The following MAPK10 variants were observed in gnomAD, a reference collection of about 807,000 sequenced individuals.
MAPK10 encodes JNK3 alpha protein kinase.
MAPK10 carries 25 observed loss-of-function variants against 59.3 expected under a neutral mutation model. The ratio of observed to expected loss-of-function variants is 0.42; its 90% confidence interval spans 0.31 to 0.59. The LOEUF (loss-of-function observed/expected upper bound fraction) is 0.59, where lower values mean the gene tolerates loss of function less well. Among genes scored for constraint, MAPK10 ranks in the 20% least tolerant of loss-of-function variants. The pLI is 0.15. For synonymous variants in MAPK10, 190 were observed against 200.5 expected (o/e 0.95, Z 0.44); for missense variants, 351 against 568.9 (o/e 0.62, Z 3.90).
chr4:86,562,728 T>C (rs1760775089), intron 1 of MAPK10, among the ~76,000 whole-genome samples: 1 of 152,040 alleles, frequency 6.6e-6, no homozygotes, highest in Non-Finnish European at 1.5e-5. Flanking sequence ...CAACTTTACC[T>C]GCTGCACTAT....
At chr4:86,408,939 C>T (rs919537900) in intron 1 of MAPK10, among the ~76,000 whole-genome samples, 3 of 152,172 alleles carry the variant, frequency 2.0e-5, no homozygotes, top group Non-Finnish European at 4.4e-5. Context: ...GCTTTTGTTT[C>T]CACTGCTTTT....
At chr4:86,280,554 A>G (rs1345118098) in intron 2 of MAPK10, among the ~76,000 whole-genome samples, 1 of 152,178 alleles carries the variant, frequency 6.6e-6, no homozygotes, top group Non-Finnish European at 1.5e-5. Context: ...AGATTTCTCA[A>G]AAAACTAAAG....
At position 86,064,259 on chromosome 4, in the gene MAPK10, T is replaced by C. The variant is rs2148986977; in HGVS notation, c.1110+7A>G. 6.2e-7 allele frequency: 1 copy of C among 1,613,960 alleles called. No homozygotes were observed. Among genetic ancestry groups the C allele is most frequent in the Non-Finnish European group, 8.5e-7 (1 of 1,179,966 alleles). ...TGGAAGCAAAGTAAAGGCAGCCTATTTCTTACCGCCTCCACTTCGGCTGGG... is the reference window on the plus strand; with the variant it reads ...TGGAAGCAAAGTAAAGGCAGCCTATCTCTTACCGCCTCCACTTCGGCTGGG... On this transcript the variant is annotated splice_region_variant and intron_variant, in intron 11 of 13. Coordinates refer to ENST00000641462, the MANE Select transcript of MAPK10 (RefSeq NM_138982.4).
At chr4:86,233,129 T>C (rs1255307947) in intron 2 of MAPK10, among the ~76,000 whole-genome samples, 3 of 152,150 alleles carry the variant, frequency 2.0e-5, no homozygotes, top group African/African-American at 7.2e-5. Context: ...GGGTCGTATG[T>C]CAGAAACAAA....
chr4:86,480,932 G>C (rs1378753663), intron 1 of MAPK10, among the ~76,000 whole-genome samples: 1 of 152,166 alleles, frequency 6.6e-6, no homozygotes, highest in African/African-American at 2.4e-5. Flanking sequence ...AGACAAAAAG[G>C]GAATGATCTA....
At chr4:86,117,317 T>C (rs2058438241) in intron 4 of MAPK10, among the ~76,000 whole-genome samples, 1 of 152,204 alleles carries the variant, frequency 6.6e-6, no homozygotes, top group South Asian at 2.1e-4. Flanking sequence ...CTTACCACTT[T>C]AATAAACTAT....
chr4:86,391,705 C>T (rs1742208226), intron 1 of MAPK10, among the ~76,000 whole-genome samples: 1 of 152,138 alleles, frequency 6.6e-6, no homozygotes, highest in Non-Finnish European at 1.5e-5. Flanking sequence ...AATTCATATG[C>T]AACAAGACAG....
intron 1 of MAPK10, among the ~76,000 whole-genome samples, chr4:86,572,822 A>G (rs1405137236): frequency 2.0e-5 from 3 of 152,196 alleles, no homozygotes; most frequent in South Asian, 4.1e-4. Flanking sequence ...GGCAGTGTCA[A>G]ACTTTTAAAA....
rs60423060 is a variant in MAPK10 at position 86,471,275 on chromosome 4, CAAAAAAA to C, written c.-262-116638_-262-116632del. ...CACAGCAAGACTCTGTGCCCCCCTG[CAAAAAAA>C]AAAAAAAAAAAAAGAATTAAACTAG... On this transcript the variant is annotated intron_variant, in intron 1 of 4. Coordinates refer to the MAPK10 transcript ENST00000502302. Among the ~76,000 whole-genome samples the C allele has an allele frequency of 2.3e-4, 22 of 96,864 alleles. No individual in the cohort carries two copies. In the South Asian group the frequency reaches 6.8e-3, roughly 30 times the overall value. 63.5% of individuals were successfully genotyped at this position (96,864 alleles called of 152,430 possible).
intron 1 of MAPK10, among the ~76,000 whole-genome samples, chr4:86,537,912 TA>T (rs1758370082): frequency 1.3e-5 from 2 of 152,204 alleles, no homozygotes; most frequent in African/African-American, 4.8e-5. Flanking sequence ...CCCTCTTTTG[TA>T]AAGATAGTGT....
upstream of MAPK10, among the ~76,000 whole-genome samples, chr4:86,363,440 G>C (rs1387126751): frequency 6.6e-6 from 1 of 152,074 alleles, no homozygotes; most frequent in African/African-American, 2.4e-5. Flanking sequence ...CCAGAAACAG[G>C]TTAATACCAA....
chr4:86,534,494 C>T (rs959464356), intron 1 of MAPK10, among the ~76,000 whole-genome samples: 4 of 151,966 alleles, frequency 2.6e-5, no homozygotes, highest in Non-Finnish European at 5.9e-5. Context: ...ACCAATGTTG[C>T]CTTTTAGTTT....
chr4:86,243,537 C>T (rs759643035), intron 2 of MAPK10, among the ~76,000 whole-genome samples: 1 of 152,180 alleles, frequency 6.6e-6, no homozygotes, highest in Non-Finnish European at 1.5e-5. Context: ...ACTCATTACA[C>T]TCTAGCCAGG....
At chr4:86,151,565 C>A (rs1384018362) in intron 4 of MAPK10, among the ~76,000 whole-genome samples, 2 of 152,002 alleles carry the variant, frequency 1.3e-5, no homozygotes, top group African/African-American at 4.8e-5. Flanking sequence ...CTTCAGAGGA[C>A]AAGGAGGTGA....
At chr4:86,161,090 T>C (rs1219674570) in intron 3 of MAPK10, among the ~76,000 whole-genome samples, 1 of 151,948 alleles carries the variant, frequency 6.6e-6, no homozygotes, top group African/African-American at 2.4e-5. Context: ...GTAGAATACG[T>C]GTGACAGGCA....
intron 2 of MAPK10, among the ~76,000 whole-genome samples, chr4:86,233,466 T>C (rs2091861083): frequency 6.6e-6 from 1 of 152,196 alleles, no homozygotes; most frequent in African/African-American, 2.4e-5. Flanking sequence ...TCAGCTATTT[T>C]ACTTCTCCCC....
intron 1 of MAPK10, among the ~76,000 whole-genome samples, chr4:86,590,880 AT>A (rs1565088200): frequency 6.6e-6 from 1 of 152,198 alleles, no homozygotes; most frequent in Non-Finnish European, 1.5e-5. Flanking sequence ...TTGGTATTTA[AT>A]TTAAAAGAAG....
intron 2 of MAPK10, among the ~76,000 whole-genome samples, chr4:86,343,086 C>T (rs557699455): frequency 6.6e-6 from 1 of 152,248 alleles, no homozygotes. Flanking sequence ...TTCTGAACTC[C>T]AAACCCACTC....
At chr4:86,129,206 T>C (rs1009751045) in intron 4 of MAPK10, among the ~76,000 whole-genome samples, 1 of 152,138 alleles carries the variant, frequency 6.6e-6, no homozygotes, top group African/African-American at 2.4e-5. Context: ...CTGAGTCCCA[T>C]GGTGGTTAAA....
Sources: allele counts gnomAD v4.1 joint callset (sites outside exome capture counted in the v4.1 genomes callset), GRCh38; gene constraint gnomAD v4.1.1; transcripts MANE v1.5; gene names NCBI Gene and HGNC (gene_info 2026-07-23, HGNC 2026-07-21).